CYB5RL: variants seen among roughly 807,000 people sequenced by gnomAD.
CYB5RL encodes the protein cytochrome b5 reductase like.
A neutral mutation model predicts 37.5 loss-of-function variants in CYB5RL; 38 were observed. The observed-to-expected ratio is 1.01, with a 90% CI of 0.78 to 1.33. CYB5RL has a LOEUF of 1.33. Ranked by LOEUF, CYB5RL falls within the 40% of genes most tolerant of loss-of-function variation. CYB5RL has a pLI of 0.00. For missense variants in CYB5RL, 388 were observed against 394.4 expected (o/e 0.98, Z 0.14); for synonymous variants, 141 against 151.9 (o/e 0.93, Z 0.53).
Position 54,171,177 on chromosome 1 carries a change from A to G in CYB5RL, c.*3442T>C, listed in dbSNP as rs1570089923. The G allele has an allele frequency of 2.2e-6, 1 of 456,068 alleles. No homozygotes were observed. Among genetic ancestry groups the G allele is most frequent in the Admixed American group, 2.3e-5 (1 of 42,566 alleles). 28.3% of individuals were successfully genotyped at this position (456,068 alleles called of 1,614,324 possible). A position where few individuals can be genotyped will look rare whatever the true frequency, so the allele number is the denominator to read the frequency against. On this transcript the variant is annotated 3_prime_UTR_variant, in exon 8 of 8. Coordinates refer to ENST00000534324, the MANE Select transcript of CYB5RL (RefSeq NM_001031672.4). Reference sequence around the variant, plus strand: ...TGAGACCTCAAAAGATGAGGAGGCAAAAAAGGTGAGTGGGAGATCGGAAGG... The same window carrying G: ...TGAGACCTCAAAAGATGAGGAGGCAGAAAAGGTGAGTGGGAGATCGGAAGG...
chr1:54,172,383 C>T lies in CYB5RL; in HGVS notation c.*2236G>A, dbSNP rs1033223130. 1.4e-4 allele frequency: 18 copies of T among 125,028 alleles called. No homozygotes were observed. The highest frequency in any genetic ancestry group is 5.4e-4 in the African/African-American group (18 of 33,514). 7.7% of individuals were successfully genotyped at this position (125,028 alleles called of 1,614,324 possible). ...AGAGACAGGGTTTTGTCATGTTGGC[C>T]AGGCTGGCCTCGAACTTCTGGGCTC... On this transcript the variant is annotated 3_prime_UTR_variant, in exon 8 of 8. Coordinates refer to ENST00000534324, the MANE Select transcript of CYB5RL (RefSeq NM_001031672.4).
At chr1:54,175,018 G>A (rs969768317) in intron 7 of CYB5RL, among the ~76,000 whole-genome samples, 196 bp from the exon 8 acceptor site, 5 of 152,040 alleles carry the variant, frequency 3.3e-5, no homozygotes, top group Admixed American at 2.0e-4. Flanking sequence ...ACCCTCCCAC[G>A]ACAGCAGAGG....
chr1:54,199,093 A>G (rs1362413057), intron 1 of CYB5RL, among the ~76,000 whole-genome samples: 2 of 152,078 alleles, frequency 1.3e-5, no homozygotes, highest in Admixed American at 6.6e-5. Flanking sequence ...GCCTTGACAC[A>G]TGTTGCCTCA....
intron 2 of CYB5RL, 23 bp from the exon 3 acceptor site, chr1:54,195,738 G>A (rs1644002635): frequency 2.6e-6 from 3 of 1,135,544 alleles, no homozygotes; most frequent in Middle Eastern, 3.1e-4. Context: ...AAACATGGGG[G>A]TTATTCTCTG....
At position 54,169,994 on chromosome 1, in the gene CYB5RL, T is replaced by G. The variant is rs1659853835; in HGVS notation, c.*4625A>C. ...TCACAATGTACATTTCACTTAGTTATTATGTTTTTAGGACTTCGTCTATAT... is the reference window on the plus strand; with the variant it reads ...TCACAATGTACATTTCACTTAGTTAGTATGTTTTTAGGACTTCGTCTATAT... On this transcript the variant is annotated 3_prime_UTR_variant, in exon 8 of 8. Transcript: ENST00000534324. 6.6e-6 allele frequency: 1 copy of G among 152,244 alleles called. No individual in the cohort carries two copies. The highest frequency in any genetic ancestry group is 1.5e-5 in the Non-Finnish European group (1 of 68,042). 9.4% of individuals were successfully genotyped at this position (152,244 alleles called of 1,614,324 possible).
chr1:54,184,011 C>A, intron 6 of CYB5RL, 150 bp downstream of exon 6: 1 of 496,182 alleles, frequency 2.0e-6, no homozygotes, highest in East Asian at 3.6e-5. Flanking sequence ...AAATAAGTGT[C>A]TATTCCATCT....
chr1:54,192,843 C>T (rs889623004), intron 3 of CYB5RL, among the ~76,000 whole-genome samples: 1 of 152,018 alleles, frequency 6.6e-6, no homozygotes, highest in Admixed American at 6.5e-5. Context: ...GCAACCTCCA[C>T]CTCCTGGTTC....
Position 54,171,297 on chromosome 1 carries a change from G to A in CYB5RL, c.*3322C>T, listed in dbSNP as rs747174768. 6 of 456,284 alleles carry A rather than the reference G, an allele frequency of 1.3e-5. No homozygotes were observed. Among genetic ancestry groups the A allele is most frequent in the South Asian group, 6.2e-5 (4 of 64,560 alleles). 28.3% of individuals were successfully genotyped at this position (456,284 alleles called of 1,614,324 possible). The stretch of plus-strand genomic sequence containing the variant: ...GCCTGAGAGGTGGGTGTGAGTGGGC[G>A]GTGGCATACAAAAAGTCTGGAGAGG... On this transcript the variant is annotated 3_prime_UTR_variant, in exon 8 of 8. Coordinates refer to ENST00000534324, the MANE Select transcript of CYB5RL (RefSeq NM_001031672.4).
At position 54,171,531 on chromosome 1, in the gene CYB5RL, G is replaced by A. The variant is rs765632309; in HGVS notation, c.*3088C>T. 2.6e-5 allele frequency: 11 copies of A among 420,396 alleles called. No homozygotes were observed. Among genetic ancestry groups the A allele is most frequent in the South Asian group, 1.0e-4 (6 of 59,168 alleles). 26.0% of individuals were successfully genotyped at this position (420,396 alleles called of 1,614,324 possible). On this transcript the variant is annotated 3_prime_UTR_variant, in exon 8 of 8. Transcript: ENST00000534324. ...TGAGGGCTGAACTAAAGCCAATGCC[G>A]CTTCTGCGACCAAGAATCTGTCCTC...
At chr1:54,199,663 G>A (rs1333606863) in intron 1 of CYB5RL, among the ~76,000 whole-genome samples, 1 of 152,186 alleles carries the variant, frequency 6.6e-6, no homozygotes, top group African/African-American at 2.4e-5. Flanking sequence ...GAAATCCAGA[G>A]GGAAAGGAAA....
rs1183664656 is a variant in CYB5RL at position 54,179,332 on chromosome 1, C to G, written c.561G>C (p.Leu187=). ...TGGGGGCCAGGCCCGTGCCCGCAGCCAGCAAGAGGAGCTCACCATACTGGG... is the reference window on the plus strand; with the variant it reads ...TGGGGGCCAGGCCCGTGCCCGCAGCGAGCAAGAGGAGCTCACCATACTGGG... ...KPNQYGELLL[L]AAGTGLAPMV... is the part of the protein sequence containing the mutation. Residue 187 remains leucine (L), a synonymous_variant, in exon 7 of 8, where the codon CTG becomes CTC. Coordinates refer to ENST00000534324, the MANE Select transcript of CYB5RL (RefSeq NM_001031672.4). The G allele has an allele frequency of 6.2e-7, 1 of 1,613,302 alleles. No individual in the cohort carries two copies. Among genetic ancestry groups the G allele is most frequent in the Non-Finnish European group, 8.5e-7 (1 of 1,179,768 alleles).
chr1:54,186,168 G>A (rs1166373880), intron 5 of CYB5RL: 2 of 152,238 alleles, frequency 1.3e-5, no homozygotes, highest in Non-Finnish European at 2.9e-5. Context: ...CAGAGTAAAT[G>A]TTTAATACAT....
At chr1:54,175,943 G>T (rs946450909) in intron 7 of CYB5RL, among the ~76,000 whole-genome samples, 2 of 151,974 alleles carry the variant, frequency 1.3e-5, no homozygotes, top group African/African-American at 4.8e-5. Context: ...ATAGTCTGAA[G>T]AATTTAAATG....
intron 5 of CYB5RL, chr1:54,185,912 G>A (rs1478982079): frequency 6.5e-6 from 1 of 152,748 alleles, no homozygotes; most frequent in Non-Finnish European, 1.5e-5. Context: ...TGCTGTTCTT[G>A]TGATAGTGAA....
intron 6 of CYB5RL, among the ~76,000 whole-genome samples, chr1:54,181,034 A>G (rs1660147434): frequency 1.3e-5 from 2 of 152,106 alleles, no homozygotes; most frequent in Admixed American, 1.3e-4. Flanking sequence ...AACAAAACAA[A>G]CAAAAAAGAA....
At chr1:54,184,475 T>C (rs1213253399) in intron 5 of CYB5RL, 14 of 523,940 alleles carry the variant, frequency 2.7e-5, no homozygotes, top group Non-Finnish European at 4.1e-5. Context: ...GACAGGAGGC[T>C]GGGATGAGAA....
At chr1:54,197,317 C>CTT (rs766084507) in intron 1 of CYB5RL, among the ~76,000 whole-genome samples, 20,235 of 123,696 alleles carry the variant, frequency 0.16, 2,110 homozygotes, top group Non-Finnish European at 0.22. Context: ...CTTTTCTTTT[C>CTT]TTTTTTTTTT....
rs1659884990 is a variant in CYB5RL at position 54,171,277 on chromosome 1, AGAG to A, written c.*3339_*3341del. The stretch of plus-strand genomic sequence containing the variant: ...CGCAAGAGAACATGTTTGGAGCCTG[AGAG>A]GTGGGTGTGAGTGGGCGGTGGCATA... On this transcript the variant is annotated 3_prime_UTR_variant, in exon 8 of 8. Transcript: ENST00000534324. 2.2e-6 allele frequency: 1 copy of A among 456,270 alleles called. No individual in the cohort carries two copies. The highest frequency in any genetic ancestry group is 2.0e-5 in the African/African-American group (1 of 50,036). 28.3% of individuals were successfully genotyped at this position (456,270 alleles called of 1,614,324 possible).
intron 6 of CYB5RL, 32 bp downstream of exon 6, chr1:54,184,129 A>T (rs775140831): frequency 6.3e-7 from 1 of 1,585,080 alleles, no homozygotes; most frequent in Non-Finnish European, 8.6e-7. Context: ...GTCAACAGGG[A>T]TCTCCTGAAG....
Sources: gnomAD v4.1 joint callset for allele counts (sites outside exome capture counted in the v4.1 genomes callset) on GRCh38, gnomAD v4.1.1 for gene constraint, MANE v1.5 for transcripts, NCBI Gene and HGNC (gene_info 2026-07-23, HGNC 2026-07-21) for gene names.